TAFA1: variants seen among roughly 807,000 people sequenced by gnomAD.
The protein encoded by TAFA1 is chemokine-like protein TAFA-1.
TAFA1 carries 4 observed loss-of-function variants against 18.5 expected under a neutral mutation model. That is an observed-to-expected ratio of 0.22 (90% CI 0.11 to 0.49). TAFA1 has a LOEUF of 0.49. Ranked by LOEUF, TAFA1 falls within the 20% of genes least tolerant of loss-of-function variation. The pLI, the probability that TAFA1 is intolerant of heterozygous loss-of-function variation, is 0.98. For missense variants in TAFA1, 147 were observed against 169.0 expected, an observed-to-expected ratio of 0.87 and a Z score of 0.72; for synonymous variants, 56 against 55.2, an observed-to-expected ratio of 1.01 and a Z score of -0.06.
chr3:68,172,493 TCCTCAAAATGTTAAACATAGCACTGC>T (rs2066068730), intron 2 of TAFA1, among the ~76,000 whole-genome samples: 1 of 152,146 alleles, frequency 6.6e-6, no homozygotes, highest in Non-Finnish European at 1.5e-5. Flanking sequence ...GTTAAGTAGT[TCCTCAAAATGTTAAACATAGCACTGC>T]CATGTGATCC....
intron 2 of TAFA1, among the ~76,000 whole-genome samples, chr3:68,091,156 C>T (rs2065025535): frequency 6.6e-6 from 1 of 152,058 alleles, no homozygotes; most frequent in East Asian, 1.9e-4. Context: ...TTAGTATTTC[C>T]CTAAACCTTT....
At chr3:68,260,965 A>C (rs534634151) in intron 2 of TAFA1, among the ~76,000 whole-genome samples, 200 of 152,024 alleles carry the variant, frequency 1.3e-3, no homozygotes, top group African/African-American at 4.6e-3. Flanking sequence ...AAAGAAACTA[A>C]CGTCAGAGTG....
At chr3:68,390,897 G>A (rs896287318) in intron 2 of TAFA1, among the ~76,000 whole-genome samples, 1 of 152,120 alleles carries the variant, frequency 6.6e-6, no homozygotes, top group African/African-American at 2.4e-5. Context: ...CCACGAAGAA[G>A]GGGAAAAAGC....
chr3:68,477,197 A>T (rs981084425), intron 3 of TAFA1, among the ~76,000 whole-genome samples: 2 of 151,884 alleles, frequency 1.3e-5, no homozygotes, highest in African/African-American at 4.8e-5. Flanking sequence ...TCTTTTATAT[A>T]TTTTAACATA....
At chr3:68,426,794 C>T (rs2071064212) in intron 3 of TAFA1, among the ~76,000 whole-genome samples, 1 of 151,830 alleles carries the variant, frequency 6.6e-6, no homozygotes, top group Admixed American at 6.6e-5. Context: ...ATTATAATTG[C>T]AATGACTTTA....
chr3:68,006,581 C>T (rs981452283), intron 1 of TAFA1, 43 bp from the exon 2 acceptor site: 6 of 1,373,240 alleles, frequency 4.4e-6, no homozygotes, highest in Non-Finnish European at 6.2e-6. Context: ...GAGCTGGGGG[C>T]TTGAAGCCGG....
At position 68,005,516 on chromosome 3, in the gene TAFA1, C is replaced by G. The variant is rs1291076648; in HGVS notation, c.-4+814C>G. 3.9e-5 allele frequency among the ~76,000 whole-genome samples: 6 copies of G among 152,266 alleles called. No individual in the cohort carries two copies. In the East Asian group the frequency reaches 1.2e-3, roughly 29 times the overall value. ...ATGTATATTTTTGTTTTCTGAACAT[C>G]AGTTTTTAATAAAGAACCAATTTTC... On this transcript the variant is annotated intron_variant, in intron 1 of 4. Transcript: ENST00000478136.
chr3:68,333,489 G>A (rs1201477201), intron 2 of TAFA1, among the ~76,000 whole-genome samples: 1 of 152,002 alleles, frequency 6.6e-6, no homozygotes. Flanking sequence ...GTAGAGGGTG[G>A]GTGGAGGGTG....
chr3:68,026,219 G>A (rs1704811843), intron 2 of TAFA1, among the ~76,000 whole-genome samples: 1 of 151,942 alleles, frequency 6.6e-6, no homozygotes, highest in South Asian at 2.1e-4. Context: ...CTCTGGTCAT[G>A]GGAGTGAGGG....
chr3:68,027,288 T>TC (rs1485164789), intron 2 of TAFA1, among the ~76,000 whole-genome samples: 4 of 152,158 alleles, frequency 2.6e-5, no homozygotes, highest in Non-Finnish European at 5.9e-5. Flanking sequence ...ATTAGACTTT[T>TC]CTCCCAATAT....
intron 2 of TAFA1, among the ~76,000 whole-genome samples, chr3:68,172,621 T>C (rs2066070447): frequency 6.6e-6 from 1 of 152,132 alleles, no homozygotes; most frequent in South Asian, 2.1e-4. Flanking sequence ...ACAACCCTAG[T>C]GTCCATCAGC....
At chr3:68,131,594 T>A (rs1377174027) in intron 2 of TAFA1, among the ~76,000 whole-genome samples, 1 of 152,228 alleles carries the variant, frequency 6.6e-6, no homozygotes, top group African/African-American at 2.4e-5. Context: ...AGCTCTTACA[T>A]CCACAAAGAA....
rs186463263 is a variant in TAFA1, at chr3:68,209,253, G to A, written c.118+202509G>A. On this transcript the variant is annotated intron_variant, in intron 2 of 4. Coordinates refer to ENST00000478136, the MANE Select transcript of TAFA1 (RefSeq NM_213609.4). The stretch of plus-strand genomic sequence containing the variant: ...CAGAGGACCCAGCTAAAACATGCCA[G>A]CCTCCTGATACACAGAAACAGTGCA... Among the ~76,000 whole-genome samples the A allele has an allele frequency of 5.9e-5, 9 of 152,074 alleles. No individual in the cohort carries two copies. The East Asian group carries it at 1.8e-3, about 30-fold the overall frequency.
intron 2 of TAFA1, among the ~76,000 whole-genome samples, chr3:68,195,042 G>A (rs1482403710): frequency 6.6e-6 from 1 of 151,274 alleles, no homozygotes; most frequent in Non-Finnish European, 1.5e-5. Flanking sequence ...TCCATGTCTG[G>A]GTCCTCACAT....
At chr3:68,467,441 G>T (rs1015193612) in intron 3 of TAFA1, among the ~76,000 whole-genome samples, 1 of 152,098 alleles carries the variant, frequency 6.6e-6, no homozygotes, top group African/African-American at 2.4e-5. Flanking sequence ...CAATGGTTAC[G>T]GGTAGATGAT....
At chr3:68,059,427 C>T (rs1559720915) in intron 2 of TAFA1, among the ~76,000 whole-genome samples, 1 of 152,134 alleles carries the variant, frequency 6.6e-6, no homozygotes, top group Non-Finnish European at 1.5e-5. Flanking sequence ...TAGTAAATGG[C>T]AGAGATGGGA....
intron 2 of TAFA1, among the ~76,000 whole-genome samples, chr3:68,045,782 C>T (rs1394205765): frequency 6.6e-6 from 1 of 152,108 alleles, no homozygotes; most frequent in African/African-American, 2.4e-5. Flanking sequence ...AGTCCTTTTC[C>T]ACTCTTTAAT....
At chr3:68,301,322 C>A (rs989765902) in intron 2 of TAFA1, among the ~76,000 whole-genome samples, 2 of 152,120 alleles carry the variant, frequency 1.3e-5, no homozygotes, top group African/African-American at 4.8e-5. Context: ...CTTCATTTAT[C>A]TTGTTGGAGA....
intron 2 of TAFA1, among the ~76,000 whole-genome samples, chr3:68,277,966 A>G (rs1353802457): frequency 3.3e-5 from 5 of 152,164 alleles, no homozygotes; most frequent in African/African-American, 1.2e-4. Context: ...CGTAACATAG[A>G]TTCTCTCAAA....
Sources: gnomAD v4.1 joint callset for allele counts (sites outside exome capture counted in the v4.1 genomes callset) on GRCh38, gnomAD v4.1.1 for gene constraint, MANE v1.5 for transcripts, NCBI Gene and HGNC (gene_info 2026-07-23, HGNC 2026-07-21) for gene names.